The following PTPRO variants were observed in gnomAD, a reference collection of about 807,000 sequenced individuals.
PTPRO encodes the protein protein tyrosine phosphatase receptor type O, also known as receptor-type tyrosine-protein phosphatase O.
PTPRO carries 62 observed loss-of-function variants against 145.2 expected under a neutral mutation model. The observed-to-expected ratio is 0.43, with a 90% CI of 0.35 to 0.53. The LOEUF (loss-of-function observed/expected upper bound fraction) is 0.53. Ranked by LOEUF, PTPRO falls within the 20% of genes least tolerant of loss-of-function variation. The pLI, the probability that PTPRO is intolerant of heterozygous loss-of-function variation, is 0.01. For synonymous variants in PTPRO, 565 were observed against 514.7 expected (o/e 1.10, Z -1.32); for missense variants, 1,345 against 1,482.7 (o/e 0.91, Z 1.53).
At chr12:15,351,912 C>T (rs1396476311) in intron 1 of PTPRO, among the ~76,000 whole-genome samples, 1 of 152,062 alleles carries the variant, frequency 6.6e-6, no homozygotes, top group East Asian at 1.9e-4. Flanking sequence ...AATAAATAAC[C>T]TCAGGAAAAA....
At chr12:15,351,209 A>G (rs1937793197) in intron 1 of PTPRO, among the ~76,000 whole-genome samples, 1 of 152,206 alleles carries the variant, frequency 6.6e-6, no homozygotes, top group Non-Finnish European at 1.5e-5. Context: ...AATAAAAGCA[A>G]AAGATGCCAT....
At chr12:15,540,952 G>A (rs1325056955) in intron 12 of PTPRO, among the ~76,000 whole-genome samples, 2 of 152,144 alleles carry the variant, frequency 1.3e-5, no homozygotes, top group African/African-American at 4.8e-5. Flanking sequence ...AAAGAAAATA[G>A]GGAAGGCCAG....
rs548256704 is a variant in PTPRO at position 15,401,201 on chromosome 12, T to C, written c.75+78400T>C. Among the ~76,000 whole-genome samples, 114 of 152,276 alleles carry C rather than the reference T, an allele frequency of 7.5e-4. 1 individual carries two copies. The South Asian group carries it at 0.023, about 31-fold the overall frequency. Reference sequence around the variant, plus strand: ...GAAAACTATTCAGAGATTTAACCAGTAGTTAAATGACTCCCCAGGGTTTTA... The same window carrying C: ...GAAAACTATTCAGAGATTTAACCAGCAGTTAAATGACTCCCCAGGGTTTTA... On this transcript the variant is annotated intron_variant, in intron 1 of 26. Transcript: ENST00000281171.
chr12:15,543,501 A>G (rs1339552632), intron 12 of PTPRO, among the ~76,000 whole-genome samples: 2 of 152,186 alleles, frequency 1.3e-5, no homozygotes, highest in Non-Finnish European at 2.9e-5. Context: ...GAACATTAAG[A>G]TACAACCTCA....
chr12:15,423,800 A>G (rs1447398243), intron 1 of PTPRO, among the ~76,000 whole-genome samples: 1 of 152,200 alleles, frequency 6.6e-6, no homozygotes, highest in Non-Finnish European at 1.5e-5. Flanking sequence ...TTGCCTGTCA[A>G]TATCCTAATT....
At chr12:15,508,428 T>G in intron 6 of PTPRO, 143 bp from the exon 7 acceptor site, 1 of 847,076 alleles carries the variant, frequency 1.2e-6, no homozygotes, top group South Asian at 1.5e-5. Context: ...GCAGAGGACC[T>G]GAAGAGTTGC....
intron 1 of PTPRO, among the ~76,000 whole-genome samples, chr12:15,390,579 T>C (rs148227994): frequency 6.6e-6 from 1 of 152,068 alleles, no homozygotes; most frequent in East Asian, 1.9e-4. Context: ...AAGATAAGAT[T>C]TGGGTGGAGA....
chr12:15,489,733 T>A (rs1941961485), intron 2 of PTPRO, among the ~76,000 whole-genome samples: 1 of 152,114 alleles, frequency 6.6e-6, no homozygotes, highest in African/African-American at 2.4e-5. Context: ...TTTTACCCAG[T>A]CCCTATTCAT....
chr12:15,482,143 T>C (rs61908051), intron 1 of PTPRO, among the ~76,000 whole-genome samples: 3 of 148,408 alleles, frequency 2.0e-5, no homozygotes, highest in African/African-American at 7.6e-5. Context: ...AAAGAAAATA[T>C]GGTGTGTGTG....
intron 17 of PTPRO, among the ~76,000 whole-genome samples, chr12:15,560,492 G>A (rs1342061335): frequency 2.0e-5 from 3 of 151,984 alleles, no homozygotes; most frequent in Non-Finnish European, 2.9e-5. Context: ...GTTGGCAAGC[G>A]TTTTTTCCCA....
chr12:15,534,980 T>A (rs1943038518), intron 12 of PTPRO, among the ~76,000 whole-genome samples: 1 of 152,080 alleles, frequency 6.6e-6, no homozygotes, highest in Admixed American at 6.6e-5. Flanking sequence ...ATTCAGGAGC[T>A]CTTTTGGAGG....
chr12:15,407,397 T>A (rs565173435), intron 1 of PTPRO, among the ~76,000 whole-genome samples: 1 of 152,270 alleles, frequency 6.6e-6, no homozygotes, highest in South Asian at 2.1e-4. Context: ...CTGAAAGTAT[T>A]GAATAAATCC....
chr12:15,515,987 G>GTTTTTTTTTT lies in PTPRO; in HGVS notation c.1585+373_1585+374insTTTTTTTTTT, dbSNP rs1387922121. Among the ~76,000 whole-genome samples the GTTTTTTTTTT allele has an allele frequency of 2.7e-4, 22 of 80,660 alleles. 7 individuals are homozygous for GTTTTTTTTTT. The highest frequency in any genetic ancestry group is 8.1e-4 in the South Asian group (2 of 2,482). 52.9% of individuals were successfully genotyped at this position (80,660 alleles called of 152,430 possible). On this transcript the variant is annotated intron_variant, in intron 8 of 26. Coordinates refer to ENST00000281171, the MANE Select transcript of PTPRO (RefSeq NM_030667.3). ...GTTTTGTTTGTCTGGTTTTTTTTTT[G>GTTTTTTTTTT]TTTTGTTTTTTTTTTTTTTTGGAGA...
At chr12:15,362,444 A>G (rs1938238885) in intron 1 of PTPRO, among the ~76,000 whole-genome samples, 1 of 152,230 alleles carries the variant, frequency 6.6e-6, no homozygotes, top group Admixed American at 6.5e-5. Flanking sequence ...TTACAAGTTC[A>G]TCTATTTCTT....
At chr12:15,554,646 C>T (rs1943569375) in intron 15 of PTPRO, among the ~76,000 whole-genome samples, 3 of 152,032 alleles carry the variant, frequency 2.0e-5, no homozygotes, top group Admixed American at 2.0e-4. Flanking sequence ...GCCAGTCTCT[C>T]CTTTTCACAT....
At chr12:15,480,523 G>A (rs1941755884) in intron 1 of PTPRO, among the ~76,000 whole-genome samples, 1 of 152,052 alleles carries the variant, frequency 6.6e-6, no homozygotes, top group Non-Finnish European at 1.5e-5. Flanking sequence ...CCCCATGCAT[G>A]GCTCAGGAAT....
chr12:15,404,266 A>T (rs754637469), intron 1 of PTPRO, among the ~76,000 whole-genome samples: 13 of 152,008 alleles, frequency 8.6e-5, no homozygotes, highest in Non-Finnish European at 1.3e-4. Flanking sequence ...AAATAACAAA[A>T]TCCATCTCTC....
chr12:15,466,328 G>A lies in PTPRO; in HGVS notation c.76-17646G>A, dbSNP rs187748091. On this transcript the variant is annotated intron_variant, in intron 1 of 26. Coordinates refer to ENST00000281171, the MANE Select transcript of PTPRO (RefSeq NM_030667.3). ...CGCAAGAAGTAATCATTCTGATTCA[G>A]TTATGTTTGTCACTAGTTCAAGTAA... Among the ~76,000 whole-genome samples the A allele has an allele frequency of 3.3e-5, 5 of 152,166 alleles. No homozygotes were observed. In the East Asian group the frequency reaches 9.6e-4, roughly 29 times the overall value.
intron 1 of PTPRO, among the ~76,000 whole-genome samples, chr12:15,367,790 C>T (rs1237333628): frequency 6.6e-6 from 1 of 152,134 alleles, no homozygotes; most frequent in Non-Finnish European, 1.5e-5. Flanking sequence ...AATGCCCACC[C>T]CAAAGGAAAT....
Sources: gnomAD v4.1 joint callset for allele counts (sites outside exome capture counted in the v4.1 genomes callset) on GRCh38, gnomAD v4.1.1 for gene constraint, MANE v1.5 for transcripts, NCBI Gene and HGNC (gene_info 2026-07-23, HGNC 2026-07-21) for gene names.